KCNN2: variants seen among roughly 807,000 people sequenced by gnomAD.
The protein encoded by KCNN2 is potassium calcium-activated channel subfamily N member 2.
Under a neutral mutation model 55.5 loss-of-function variants are expected in KCNN2, and 24 were observed. The ratio of observed to expected loss-of-function variants is 0.43; its 90% CI spans 0.31 to 0.61. KCNN2 has a LOEUF of 0.61. KCNN2 is among the 20% of genes least tolerant of loss of function. The probability of loss-of-function intolerance (pLI) is 0.08; values close to 1 mark genes in which losing one functional copy is unlikely to be tolerated. For synonymous variants in KCNN2, 431 were observed against 336.1 expected (o/e 1.28, Z -3.09); for missense variants, 754 against 853.6 (o/e 0.88, Z 1.45).
chr5:114,124,244 G>T (rs1203618942), intron 1 of KCNN2, among the ~76,000 whole-genome samples: 2 of 152,156 alleles, frequency 1.3e-5, no homozygotes, highest in East Asian at 1.9e-4. Context: ...GAAAGGAAAA[G>T]AACCTTTAGG....
intron 1 of KCNN2, 134 bp downstream of exon 1, chr5:114,363,395 C>A: frequency 8.7e-7 from 1 of 1,153,226 alleles, no homozygotes; most frequent in Non-Finnish European, 1.2e-6. Context: ...GGACAGCGGG[C>A]GCGTCTAGGA....
At chr5:114,234,065 A>T (rs1754421916) in intron 2 of KCNN2, among the ~76,000 whole-genome samples, 1 of 150,780 alleles carries the variant, frequency 6.6e-6, no homozygotes, top group Non-Finnish European at 1.5e-5. Context: ...TATATCATTC[A>T]TTTGATTTTT....
chr5:114,211,210 G>C (rs1753876749), intron 1 of KCNN2, among the ~76,000 whole-genome samples: 1 of 152,102 alleles, frequency 6.6e-6, no homozygotes, highest in Non-Finnish European at 1.5e-5. Flanking sequence ...CCGTTACTGA[G>C]TATGTACCCA....
chr5:114,066,995 A>T (rs1371594254), intron 1 of KCNN2, among the ~76,000 whole-genome samples: 1 of 152,220 alleles, frequency 6.6e-6, no homozygotes, highest in Admixed American at 6.5e-5. Flanking sequence ...TCAATTTATT[A>T]TTTCACAGTA....
intron 1 of KCNN2, among the ~76,000 whole-genome samples, chr5:114,184,965 A>G (rs887824488): frequency 1.3e-5 from 2 of 152,146 alleles, no homozygotes; most frequent in African/African-American, 4.8e-5. Context: ...AGTTTTAATT[A>G]TAAGTAGCCA....
Position 114,440,772 on chromosome 5 carries a change from A to G in KCNN2, c.1638-22277A>G, listed in dbSNP as rs1044976043. Among the ~76,000 whole-genome samples the G allele has an allele frequency of 3.3e-5, 5 of 152,164 alleles. No individual in the cohort carries two copies. In the South Asian group the frequency reaches 6.2e-4, roughly 19 times the overall value. On this transcript the variant is annotated intron_variant, in intron 3 of 7. Coordinates refer to ENST00000673685, the MANE Select transcript of KCNN2 (RefSeq NM_021614.4). Reference sequence around the variant, plus strand: ...TAACCTGTAAAGTAATAAAAATAGAATGTATAACATCTAAGCAAATAGAAT... The same window carrying G: ...TAACCTGTAAAGTAATAAAAATAGAGTGTATAACATCTAAGCAAATAGAAT...
Position 114,156,755 on chromosome 5 carries a change from TTC to T in KCNN2, c.-270-64721_-270-64720del, listed in dbSNP as rs558936865. 1.1e-3 allele frequency among the ~76,000 whole-genome samples: 168 copies of T among 152,254 alleles called. 1 individual carries two copies. Among genetic ancestry groups the T allele is most frequent in the Non-Finnish European group, 1.7e-3 (117 of 68,018 alleles). On this transcript the variant is annotated intron_variant, in intron 1 of 10. Transcript: ENST00000512097. ...TATCCTAAGACTTTGTTAAAGTTGT[TTC>T]TCTTTTTTTTCCTAAATTCATGCCT...
At chr5:114,074,319 TGTGTGTGTGTGCGC>T (rs1204233957) in intron 1 of KCNN2, among the ~76,000 whole-genome samples, 1 of 146,810 alleles carries the variant, frequency 6.8e-6, no homozygotes, top group African/African-American at 2.7e-5. Context: ...TGTGTGTGTG[TGTGTGTGTGTGCGC>T]GCGCGCGCCA....
At position 114,098,699 on chromosome 5, in the gene KCNN2, T is replaced by C. The variant is rs570501280; in HGVS notation, c.-271+42199T>C. On this transcript the variant is annotated intron_variant, in intron 1 of 10. Transcript: ENST00000512097. ...GGACCGCTGGTCTACCACACTTCTC[T>C]TTTATGGAGGATTGCCCAAAGAAAA... 2.0e-5 allele frequency among the ~76,000 whole-genome samples: 3 copies of C among 152,238 alleles called. No individual in the cohort carries two copies. In the South Asian group the frequency reaches 6.2e-4, roughly 32 times the overall value.
At chr5:114,331,324 G>A (rs1756818292) in intron 2 of KCNN2, among the ~76,000 whole-genome samples, 1 of 152,196 alleles carries the variant, frequency 6.6e-6, no homozygotes, top group African/African-American at 2.4e-5. Flanking sequence ...ACGGGAAGGG[G>A]TTGCTGCTCT....
At chr5:114,063,499 C>A (rs1750375009) in intron 1 of KCNN2, among the ~76,000 whole-genome samples, 1 of 152,054 alleles carries the variant, frequency 6.6e-6, no homozygotes, top group South Asian at 2.1e-4. Flanking sequence ...AGAGAACCAC[C>A]CCCCCTCCAA....
chr5:114,419,434 T>C (rs557667380), intron 3 of KCNN2, among the ~76,000 whole-genome samples: 1 of 152,374 alleles, frequency 6.6e-6, no homozygotes, highest in South Asian at 2.1e-4. Flanking sequence ...ATATTTTCAA[T>C]TACAAAGCAT....
intron 2 of KCNN2, among the ~76,000 whole-genome samples, chr5:114,348,646 A>T (rs1402489707): frequency 6.6e-6 from 1 of 152,162 alleles, no homozygotes; most frequent in Admixed American, 6.6e-5. Flanking sequence ...CTATTAGGAC[A>T]TTCACTGAGC....
At chr5:114,366,323 G>A (rs1020571596) in intron 2 of KCNN2, among the ~76,000 whole-genome samples, 1 of 152,008 alleles carries the variant, frequency 6.6e-6, no homozygotes, top group Admixed American at 6.6e-5. Context: ...TTTAAAATTC[G>A]GTTTATTTTA....
intron 2 of KCNN2, among the ~76,000 whole-genome samples, chr5:114,317,319 C>A (rs1756519980): frequency 6.6e-6 from 1 of 151,928 alleles, no homozygotes; most frequent in South Asian, 2.1e-4. Flanking sequence ...TATCGTCGGA[C>A]CTGCAGTGTC....
chr5:114,440,938 G>A (rs1002668518), intron 3 of KCNN2, among the ~76,000 whole-genome samples: 1 of 151,896 alleles, frequency 6.6e-6, no homozygotes, highest in African/African-American at 2.4e-5. Context: ...ACTATATAAA[G>A]CTTACAAGAG....
At chr5:114,078,243 A>G (rs1561465937) in intron 1 of KCNN2, among the ~76,000 whole-genome samples, 1 of 152,252 alleles carries the variant, frequency 6.6e-6, no homozygotes, top group East Asian at 1.9e-4. Context: ...GACTTGCATC[A>G]GTGATTTAAG....
rs891965162 is a variant in KCNN2, at chr5:114,391,382, A to AT, written c.1219-13047dup. ...ATCATGTAAGGTTGATATTATTTTT[A>AT]TTTTTTTTTGTAGCTGAAGAAACTG... On this transcript the variant is annotated intron_variant, in intron 2 of 7. Coordinates refer to ENST00000673685, the MANE Select transcript of KCNN2 (RefSeq NM_021614.4). Among the ~76,000 whole-genome samples, 9 of 151,346 alleles carry AT rather than the reference A, an allele frequency of 5.9e-5. No individual in the cohort carries two copies. In the East Asian group the frequency reaches 7.8e-4, roughly 13 times the overall value.
rs181161478 is a variant in KCNN2 at position 114,257,544 on chromosome 5, A to G, written c.-185+35979A>G. 1.7e-3 allele frequency among the ~76,000 whole-genome samples: 253 copies of G among 152,088 alleles called. 2 individuals are homozygous for G. The highest frequency in any genetic ancestry group is 0.014 in the Middle Eastern group (4 of 294). On this transcript the variant is annotated intron_variant, in intron 2 of 10. Coordinates refer to the KCNN2 transcript ENST00000512097. ...TATATGTCTTTCCTCAGTGTTTTGT[A>G]GTTTTCCTTGTAGAGATCTTTCACC...
Sources: gnomAD v4.1 joint callset for allele counts (sites outside exome capture counted in the v4.1 genomes callset) on GRCh38, gnomAD v4.1.1 for gene constraint, MANE v1.5 for transcripts, NCBI Gene and HGNC (gene_info 2026-07-23, HGNC 2026-07-21) for gene names.